Variants in PSG1 observed in about 807,000 individuals in gnomAD.
PSG1 encodes pregnancy-specific beta-1-glycoprotein 1.
In PSG1, 60 loss-of-function variants were observed where a neutral mutation model predicts 41.4. The observed-to-expected ratio is 1.45, with a 90% confidence interval of 1.18 to 1.80. The LOEUF (loss-of-function observed/expected upper bound fraction) is 1.80. PSG1 is among the 40% of genes most tolerant of loss of function. The pLI is 0.00. For synonymous variants in PSG1, 256 were observed against 192.9 expected (o/e 1.33, Z -2.71); for missense variants, 806 against 516.9 (o/e 1.56, Z -5.42).
chr19:42,873,818 A>G (rs1224101888), intron 2 of PSG1, among the ~76,000 whole-genome samples: 1 of 151,634 alleles, frequency 6.6e-6, no homozygotes, highest in East Asian at 1.9e-4. Flanking sequence ...CTGCTTCTAA[A>G]TTCTGTGCAG....
In PSG1 at chr19:42,868,285, G is replaced by C. The variant is rs779766920; in HGVS notation, c.1059C>G (p.Ser353=). The change falls in exon 5 of 6, where the codon TCC becomes TCG. Residue 353 remains serine, a synonymous_variant. Coordinates refer to ENST00000436291, the MANE Select transcript of PSG1 (RefSeq NM_001184825.2). ...CCGGTGGGTTAGAGTCCGCAGAACA[G>C]GACAAGTAGAGGACTTCTCCTGAAC... ...YYRSGEVLYL[S]CSADSNPPAQ... 1.1e-5 allele frequency: 18 copies of C among 1,612,100 alleles called. No individual in the cohort carries two copies. Among genetic ancestry groups the C allele is most frequent in the Admixed American group, 1.7e-5 (1 of 59,828 alleles).
rs149913342 is a variant in PSG1 at position 42,871,623 on chromosome 19, G to A, written c.709+144C>T. On this transcript the variant is annotated intron_variant, in intron 3 of 5. Coordinates refer to ENST00000436291, the MANE Select transcript of PSG1 (RefSeq NM_001184825.2). ...ATGAAGCCTAGGTCTACTCTGGTTT[G>A]CCTGGGGCACAAAGTCATGGCCAGG... 66 of 1,590,010 alleles carry A rather than the reference G, an allele frequency of 4.2e-5. 1 individual carries two copies. The African/African-American group carries it at 7.3e-4, about 18-fold the overall frequency.
intron 3 of PSG1, among the ~76,000 whole-genome samples, chr19:42,870,903 G>T (rs375631940): frequency 2.6e-5 from 4 of 151,634 alleles, no homozygotes; most frequent in African/African-American, 9.7e-5. Context: ...CTTTCAGATT[G>T]TTCATTGTTA....
rs750364059 is a variant in PSG1, at chr19:42,871,758, G to T, written c.709+9C>A. On this transcript the variant is annotated intron_variant, in intron 3 of 5. Coordinates refer to ENST00000436291, the MANE Select transcript of PSG1 (RefSeq NM_001184825.2). ...CAGCCTGGCTCACAGAGGAACAGAAGATACTCACGGAGGAGATTCAGGGTG... is the reference window on the plus strand; with the variant it reads ...CAGCCTGGCTCACAGAGGAACAGAATATACTCACGGAGGAGATTCAGGGTG... The T allele has an allele frequency of 1.9e-5, 31 of 1,612,562 alleles. 1 individual carries two copies. The South Asian group carries it at 3.4e-4, about 18-fold the overall frequency.
intron 2 of PSG1, among the ~76,000 whole-genome samples, chr19:42,877,127 C>A (rs1397643629): frequency 6.6e-6 from 1 of 151,710 alleles, no homozygotes; most frequent in Admixed American, 6.6e-5. Flanking sequence ...ACACAAACAG[C>A]ATTTATTATT....
At chr19:42,870,253 T>G (rs1169012002) in intron 3 of PSG1, 2 of 151,854 alleles carry the variant, frequency 1.3e-5, no homozygotes, top group Admixed American at 6.6e-5. Context: ...TTTTTGATTC[T>G]GAAATATTTG....
Position 42,878,236 on chromosome 19 carries a change from A to G in PSG1, c.107T>C (p.Val36Ala). 1.2e-6 allele frequency: 2 copies of G among 1,610,908 alleles called. No homozygotes were observed. The highest frequency in any genetic ancestry group is 2.2e-5 in the South Asian group (2 of 90,382). Residue 36 changes from valine (V) to alanine (A), a missense_variant, in exon 2 of 6, where the codon GTC (valine) becomes GCC (alanine). By Grantham distance (64) the Val-to-Ala change is moderately conservative (BLOSUM62 0). Transcript: ENST00000436291. ...TTTGGTTGGCTCGGCTTCAATCGTG[A>G]CTTGGGCAGTGGTGGGCAGGTTCCA... ...NFWNLPTTAQ[V>A]TIEAEPTKVS...
At chr19:42,871,088 T>C (rs530539918) in intron 3 of PSG1, among the ~76,000 whole-genome samples, 23 of 151,774 alleles carry the variant, frequency 1.5e-4, no homozygotes, top group African/African-American at 5.1e-4. Context: ...ATATTGCCAA[T>C]GCTCCAGGGA....
At position 42,870,102 on chromosome 19, in the gene PSG1, G is replaced by T. The variant is rs571140064; in HGVS notation, c.710-1068C>A. 3 of 151,908 alleles carry T rather than the reference G, an allele frequency of 2.0e-5. No individual in the cohort carries two copies. The East Asian group carries it at 5.8e-4, about 29-fold the overall frequency. 9.4% of individuals were successfully genotyped at this position (151,908 alleles called of 1,614,324 possible). A position where few individuals can be genotyped will look rare whatever the true frequency, so the allele number is the denominator to read the frequency against. ...CTGGGAGTGGGTAGAATCAGAAGTTGTTCATGGGTGTGCAGTTTCAGTTAT... is the reference window on the plus strand; with the variant it reads ...CTGGGAGTGGGTAGAATCAGAAGTTTTTCATGGGTGTGCAGTTTCAGTTAT... On this transcript the variant is annotated intron_variant, in intron 3 of 5. Coordinates refer to ENST00000436291, the MANE Select transcript of PSG1 (RefSeq NM_001184825.2).
Position 42,878,510 on chromosome 19 carries a change from A to T in PSG1, c.65-232T>A, listed in dbSNP as rs139741413. Reference sequence around the variant, plus strand: ...GGTCAAGGTCAGCAGCATGACGCCCATTCCTTCAACACTTCTGACGTTGGC... The same window carrying T: ...GGTCAAGGTCAGCAGCATGACGCCCTTTCCTTCAACACTTCTGACGTTGGC... On this transcript the variant is annotated intron_variant, in intron 1 of 5. Coordinates refer to ENST00000436291, the MANE Select transcript of PSG1 (RefSeq NM_001184825.2). 990 of 711,542 alleles carry T rather than the reference A, an allele frequency of 1.4e-3. 29 individuals carry two copies. The African/African-American group carries it at 0.018, about 13-fold the overall frequency. The allele number at this position is 711,542 out of a possible 1,614,324, so 44.1% of individuals were successfully genotyped here. A position where few individuals can be genotyped will look rare whatever the true frequency, so the allele number is the denominator to read the frequency against.
chr19:42,872,626 G>A (rs1437580262), intron 2 of PSG1, among the ~76,000 whole-genome samples: 1 of 151,612 alleles, frequency 6.6e-6, no homozygotes, highest in Non-Finnish European at 1.5e-5. Flanking sequence ...GCCACGAGGT[G>A]GGGCAGTTTT....
At chr19:42,869,588 G>T (rs1471570304) in intron 3 of PSG1, 1 of 160,804 alleles carries the variant, frequency 6.2e-6, no homozygotes, top group African/African-American at 2.4e-5. Flanking sequence ...AAGGCTGGAG[G>T]TCAGTTCAGT....
rs1219427442 is a variant in PSG1, at chr19:42,868,879, G to T, written c.865C>A (p.Pro289Thr). ...AGAATGAGGATCCTGTTTTCAATGG[G>T]TCGCTTTACCCTGGGACTGACCGGG... is the stretch of plus-strand genomic sequence containing the variant. ...SLPVSPRVKR[P>T]IENRILILPS... The change falls in exon 4 of 6, where the codon CCC (proline) becomes ACC (threonine). Residue 289 changes from proline (P) to threonine (T), a missense_variant. Coordinates refer to ENST00000436291, the MANE Select transcript of PSG1 (RefSeq NM_001184825.2). 6.2e-7 allele frequency: 1 copy of T among 1,610,666 alleles called. No individual in the cohort carries two copies. Among genetic ancestry groups the T allele is most frequent in the African/African-American group, 1.3e-5 (1 of 74,656 alleles).
chr19:42,877,847 C>T (rs1971674805), intron 2 of PSG1, 66 bp downstream of exon 2: 7 of 1,610,134 alleles, frequency 4.3e-6, no homozygotes, highest in South Asian at 1.1e-5. Context: ...GCCTGACAAT[C>T]CTGTGTGTGT....
At chr19:42,877,721 G>C (rs1971669319) in intron 2 of PSG1, among the ~76,000 whole-genome samples, 192 bp downstream of exon 2, 2 of 151,702 alleles carry the variant, frequency 1.3e-5, no homozygotes, top group Admixed American at 1.3e-4. Context: ...GCAGGGTCTG[G>C]ATGCAGGAAA....
chr19:42,872,201 T>C lies in PSG1; in HGVS notation c.431-156A>G, dbSNP rs188484379. On this transcript the variant is annotated intron_variant, in intron 2 of 5. Transcript: ENST00000436291. Reference sequence around the variant, plus strand: ...GTGATACAAGACAGATGCATGGCAATCTGAGGGCTCAGAGATTGTGAGGCT... The same window carrying C: ...GTGATACAAGACAGATGCATGGCAACCTGAGGGCTCAGAGATTGTGAGGCT... 6.3e-4 allele frequency among the ~76,000 whole-genome samples: 95 copies of C among 151,712 alleles called. 5 individuals are homozygous for C. The highest frequency in any genetic ancestry group is 2.2e-3 in the African/African-American group (90 of 41,352).
intron 5 of PSG1, 76 bp downstream of exon 5, chr19:42,868,024 GT>G: frequency 6.2e-7 from 1 of 1,610,830 alleles, no homozygotes; most frequent in South Asian, 1.1e-5. Context: ...GAATACAATT[GT>G]TTTCCTGACT....
At position 42,866,607 on chromosome 19, in the gene PSG1, C is replaced by A. The variant is rs1642464145; in HGVS notation, c.*527G>T. The A allele has an allele frequency of 4.6e-6, 1 of 218,314 alleles. No individual in the cohort carries two copies. Among genetic ancestry groups the A allele is most frequent in the Non-Finnish European group, 9.2e-6 (1 of 108,854 alleles). 13.5% of individuals were successfully genotyped at this position (218,314 alleles called of 1,614,324 possible). On this transcript the variant is annotated 3_prime_UTR_variant, in exon 6 of 6. Transcript: ENST00000436291. ...TATAATTTCAGCTTTCCTACGTCTT[C>A]ATACAAACCATCTTCTCTGCAAACA...
At chr19:42,872,331 CTG>C (rs1971428692) in intron 2 of PSG1, among the ~76,000 whole-genome samples, 1 of 151,636 alleles carries the variant, frequency 6.6e-6, no homozygotes, top group Non-Finnish European at 1.5e-5. Context: ...CCTGGTGCCT[CTG>C]TGTGTCCCTC....
Sources: gnomAD v4.1 joint callset for allele counts (sites outside exome capture counted in the v4.1 genomes callset) on GRCh38, gnomAD v4.1.1 for gene constraint, MANE v1.5 for transcripts, NCBI Gene and HGNC (gene_info 2026-07-23, HGNC 2026-07-21) for gene names.